Variants in CD200R1L observed in about 807,000 individuals in gnomAD.
CD200R1L encodes the protein CD200 receptor 1 like, also known as cell surface glycoprotein CD200 receptor 2.
In CD200R1L, 14 loss-of-function variants were observed where a neutral mutation model predicts 24.8. The ratio of observed to expected loss-of-function variants is 0.56; its 90% confidence interval spans 0.37 to 0.88. The LOEUF (loss-of-function observed/expected upper bound fraction) is 0.88, where lower values mean the gene tolerates loss of function less well. CD200R1L is among the 40% of genes least tolerant of loss of function. The pLI, the probability that CD200R1L is intolerant of heterozygous loss-of-function variation, is 0.00. For synonymous variants in CD200R1L, 111 were observed against 109.2 expected, an observed-to-expected ratio of 1.02 and a Z score of -0.11; for missense variants, 299 against 297.8, an observed-to-expected ratio of 1.00 and a Z score of -0.03.
chr3:112,837,370 T>A (rs1938973323), intron 3 of CD200R1L, among the ~76,000 whole-genome samples: 1 of 152,240 alleles, frequency 6.6e-6, no homozygotes, highest in Non-Finnish European at 1.5e-5. Context: ...ACTTTATTAC[T>A]ACCTTTCCTA....
At chr3:112,829,847 A>G (rs1938753563) in intron 3 of CD200R1L, among the ~76,000 whole-genome samples, 4 of 151,962 alleles carry the variant, frequency 2.6e-5, no homozygotes, top group Admixed American at 2.6e-4. Context: ...ACAAAACTGG[A>G]ATAATTACTA....
At chr3:112,820,838 A>G (rs1418086217) in intron 6 of CD200R1L, among the ~76,000 whole-genome samples, 3 of 151,444 alleles carry the variant, frequency 2.0e-5, no homozygotes, top group Non-Finnish European at 2.9e-5. Context: ...TGGGTGGATC[A>G]CCTGAGGTCA....
At chr3:112,826,953 G>A (rs1399820630) in intron 6 of CD200R1L, 40 bp downstream of exon 6, 24 of 1,507,574 alleles carry the variant, frequency 1.6e-5, no homozygotes, top group Non-Finnish European at 2.1e-5. Context: ...AGAAAAAGTT[G>A]AGCATCAAGT....
At position 112,821,999 on chromosome 3, in the gene CD200R1L, A is replaced by G. The variant is rs142959885; in HGVS notation, c.617-2104T>C. On this transcript the variant is annotated intron_variant, in intron 6 of 7. Transcript: ENST00000488794. ...AAGTCATATTTGGAGCATAGAATGG[A>G]ATATGTAGAGATGAGTCTGCAATGA... Among the ~76,000 whole-genome samples, 415 of 152,330 alleles carry G rather than the reference A, an allele frequency of 2.7e-3. 2 individuals carry two copies. The highest frequency in any genetic ancestry group is 9.6e-3 in the African/African-American group (398 of 41,578).
rs572732064 is a variant in CD200R1L, at chr3:112,838,716, G to A, written c.-86-706C>T. 1.6e-4 allele frequency among the ~76,000 whole-genome samples: 25 copies of A among 152,238 alleles called. 1 individual carries two copies. The highest frequency in any genetic ancestry group is 1.3e-3 in the East Asian group (7 of 5,190). ...ATCCTCCTGTGACAGCTAGTTTTAT[G>A]TGTCAAGTTGGCTAGAGTATAGTAT... On this transcript the variant is annotated intron_variant, in intron 2 of 7. Coordinates refer to ENST00000488794, the MANE Select transcript of CD200R1L (RefSeq NM_001199215.3).
intron 7 of CD200R1L, among the ~76,000 whole-genome samples, chr3:112,816,317 G>C (rs1938389426): frequency 6.6e-6 from 1 of 152,176 alleles, no homozygotes; most frequent in African/African-American, 2.4e-5. Context: ...GGATGGGACT[G>C]AGGGGACACA....
intron 3 of CD200R1L, among the ~76,000 whole-genome samples, chr3:112,833,644 A>G (rs1008763545): frequency 6.6e-6 from 1 of 152,188 alleles, no homozygotes; most frequent in African/African-American, 2.4e-5. Context: ...TCCAGACTCA[A>G]GAGAACACCA....
chr3:112,841,180 C>T (rs1939071231), intron 2 of CD200R1L: 1 of 362,278 alleles, frequency 2.8e-6, no homozygotes, highest in Non-Finnish European at 5.7e-6. Flanking sequence ...CACCCTCCCC[C>T]TAGTGCTGTC....
intron 2 of CD200R1L, among the ~76,000 whole-genome samples, chr3:112,840,306 A>G (rs973048446): frequency 4.6e-5 from 7 of 152,216 alleles, no homozygotes; most frequent in Non-Finnish European, 1.0e-4. Context: ...GCATGGTGGC[A>G]TCTGCTTCTG....
intron 3 of CD200R1L, among the ~76,000 whole-genome samples, chr3:112,834,658 T>G (rs1938889596): frequency 6.6e-6 from 1 of 152,222 alleles, no homozygotes; most frequent in Non-Finnish European, 1.5e-5. Flanking sequence ...TCCACTGGGC[T>G]CATTCTGCCT....
intron 2 of CD200R1L, among the ~76,000 whole-genome samples, chr3:112,842,279 G>A (rs150958841): frequency 0.039 from 5,873 of 152,324 alleles, 136 homozygotes; most frequent in African/African-American, 0.059. Context: ...AGCTGGAGCC[G>A]TGGCAGAGGA....
intron 6 of CD200R1L, among the ~76,000 whole-genome samples, chr3:112,826,617 C>T (rs974386405): frequency 1.3e-5 from 2 of 152,010 alleles, no homozygotes; most frequent in African/African-American, 2.4e-5. Context: ...GATGATGAGA[C>T]GGGAAGAATT....
intron 7 of CD200R1L, among the ~76,000 whole-genome samples, chr3:112,816,391 G>A (rs1013357568): frequency 3.3e-5 from 5 of 152,174 alleles, no homozygotes; most frequent in Admixed American, 6.5e-5. Context: ...ATGGAGTAAC[G>A]AGTAGAACAG....
chr3:112,817,701 T>C (rs1938431660), intron 7 of CD200R1L, among the ~76,000 whole-genome samples: 1 of 152,232 alleles, frequency 6.6e-6, no homozygotes, highest in South Asian at 2.1e-4. Flanking sequence ...GGCCTGTTTG[T>C]TTCAGCAATT....
At chr3:112,829,256 T>C in intron 4 of CD200R1L, 63 bp downstream of exon 4, 1 of 1,288,030 alleles carries the variant, frequency 7.8e-7, no homozygotes, top group South Asian at 1.2e-5. Context: ...CATCAGCTAA[T>C]GATTCTACTG....
At chr3:112,827,316 T>C (rs371433258) in intron 5 of CD200R1L, 51 bp downstream of exon 5, 1 of 1,590,164 alleles carries the variant, frequency 6.3e-7, no homozygotes, top group Non-Finnish European at 8.6e-7. Context: ...GACATTTGTT[T>C]CAGTCACAAA....
chr3:112,843,331 C>G (rs1939123752), intron 2 of CD200R1L, among the ~76,000 whole-genome samples: 1 of 152,192 alleles, frequency 6.6e-6, no homozygotes, highest in Non-Finnish European at 1.5e-5. Context: ...GGCCAGCTCA[C>G]TTACAAAGAA....
At chr3:112,829,208 G>T in intron 4 of CD200R1L, 111 bp downstream of exon 4, 1 of 776,134 alleles carries the variant, frequency 1.3e-6, no homozygotes. Context: ...AGATCAACAT[G>T]TTCTTCAAGT....
intron 2 of CD200R1L, among the ~76,000 whole-genome samples, chr3:112,843,677 A>G (rs1939132157): frequency 6.6e-6 from 1 of 152,246 alleles, no homozygotes; most frequent in Admixed American, 6.5e-5. Flanking sequence ...TAATGACATC[A>G]CAACAGAGTC....
Sources: gnomAD v4.1 joint callset for allele counts (sites outside exome capture counted in the v4.1 genomes callset) on GRCh38, gnomAD v4.1.1 for gene constraint, MANE v1.5 for transcripts, NCBI Gene and HGNC (gene_info 2026-07-23, HGNC 2026-07-21) for gene names.